The following EGFR variants were observed in gnomAD, a reference collection of about 807,000 sequenced individuals.
EGFR encodes the protein epidermal growth factor receptor.
Under a neutral mutation model 143.0 loss-of-function variants are expected in EGFR, and 58 were observed. The observed-to-expected ratio is 0.41, with a 90% CI of 0.33 to 0.50. The LOEUF is 0.50. Among genes scored for constraint, EGFR ranks in the 20% least tolerant of loss-of-function variants. The pLI is 0.39. For missense variants in EGFR, 1,307 were observed against 1,579.0 expected (o/e 0.83, Z 2.92); for synonymous variants, 613 against 594.4 (o/e 1.03, Z -0.45).
intron 1 of EGFR, among the ~76,000 whole-genome samples, chr7:55,131,955 A>G (rs555366358): frequency 1.9e-4 from 29 of 151,582 alleles, no homozygotes; most frequent in East Asian, 7.7e-4. Context: ...AAAAAAAAAA[A>G]AAGAAGCACA....
At chr7:55,106,114 A>G (rs1792113496) in intron 1 of EGFR, among the ~76,000 whole-genome samples, 1 of 152,220 alleles carries the variant, frequency 6.6e-6, no homozygotes, top group African/African-American at 2.4e-5. Context: ...CAAGGGCTGA[A>G]TGTGGGATGA....
chr7:55,091,741 C>T (rs1057137914), intron 1 of EGFR, among the ~76,000 whole-genome samples: 20 of 151,986 alleles, frequency 1.3e-4, no homozygotes, highest in Non-Finnish European at 2.8e-4. Context: ...TGGCAGGATA[C>T]TTCAGCCTCA....
chr7:55,202,914 G>A (rs1410476832), intron 27 of EGFR: 2 of 639,482 alleles, frequency 3.1e-6, no homozygotes, highest in Non-Finnish European at 5.7e-6. Context: ...GTGTGTGTGA[G>A]TGTTCATGAT....
intron 6 of EGFR, among the ~76,000 whole-genome samples, chr7:55,153,559 G>A (rs986316824): frequency 6.6e-5 from 10 of 152,276 alleles, no homozygotes; most frequent in Non-Finnish European, 5.9e-5. Flanking sequence ...AAAAGCCCTC[G>A]CTGTATTGGG....
At chr7:55,038,172 C>G (rs1787706003) in intron 1 of EGFR, among the ~76,000 whole-genome samples, 1 of 152,192 alleles carries the variant, frequency 6.6e-6, no homozygotes, top group African/African-American at 2.4e-5. Flanking sequence ...ATAGTACAAA[C>G]TGGAGGTGAA....
intron 23 of EGFR, among the ~76,000 whole-genome samples, chr7:55,199,109 G>A (rs909126508): frequency 1.3e-5 from 2 of 152,140 alleles, no homozygotes; most frequent in Admixed American, 6.5e-5. Flanking sequence ...AAAGTCTTCC[G>A]CAAGCCATTA....
At chr7:55,142,168 T>C in intron 1 of EGFR, 118 bp from the exon 2 acceptor site, 1 of 1,258,938 alleles carries the variant, frequency 7.9e-7, no homozygotes. Flanking sequence ...TGGGTGAGTC[T>C]CTGTGTGGAG....
At chr7:55,148,077 T>C (rs1323419285) in intron 4 of EGFR, among the ~76,000 whole-genome samples, 1 of 152,236 alleles carries the variant, frequency 6.6e-6, no homozygotes, top group African/African-American at 2.4e-5. Flanking sequence ...GTTTGAATAA[T>C]GCTGCTGTGA....
chr7:55,176,928 T>A (rs937223771), intron 19 of EGFR, among the ~76,000 whole-genome samples: 58 of 148,004 alleles, frequency 3.9e-4, no homozygotes, highest in Non-Finnish European at 7.7e-4. Context: ...TCTCTAAATA[T>A]ATATATATCT....
chr7:55,120,984 G>A (rs1020170613), intron 1 of EGFR, among the ~76,000 whole-genome samples: 3 of 152,140 alleles, frequency 2.0e-5, no homozygotes, highest in African/African-American at 7.2e-5. Context: ...ACTTTGCTGG[G>A]CTGGTTTACA....
rs1475129718 is a variant in EGFR, at chr7:55,166,840, G to A, written c.1880+1403G>A. On this transcript the variant is annotated intron_variant, in intron 15 of 27. Transcript: ENST00000275493. ...TGGGAGTCACAATGGTGGCAGTGTT[G>A]GTGGTGAGGAGGTGGGAGTCACAAT... Among the ~76,000 whole-genome samples, 3 of 103,778 alleles carry A rather than the reference G, an allele frequency of 2.9e-5. 1 individual carries two copies. The highest frequency in any genetic ancestry group is 9.4e-5 in the African/African-American group (3 of 31,938). 68.1% of individuals were successfully genotyped at this position (103,778 alleles called of 152,430 possible). A position where few individuals can be genotyped will look rare whatever the true frequency, so the allele number is the denominator to read the frequency against.
chr7:55,079,335 G>A (rs77242214), intron 1 of EGFR, among the ~76,000 whole-genome samples: 2,755 of 152,348 alleles, frequency 0.018, 103 homozygotes, highest in African/African-American at 0.063. Context: ...GAAGAGGGGC[G>A]GGTCGGCGTG....
At chr7:55,076,988 T>G (rs1329361863) in intron 1 of EGFR, among the ~76,000 whole-genome samples, 2 of 151,622 alleles carry the variant, frequency 1.3e-5, no homozygotes, top group African/African-American at 4.8e-5. Flanking sequence ...TTCACTACAG[T>G]CATAAGATAC....
chr7:55,097,033 T>C (rs1227252079), intron 1 of EGFR, among the ~76,000 whole-genome samples: 1 of 152,186 alleles, frequency 6.6e-6, no homozygotes, highest in African/African-American at 2.4e-5. Flanking sequence ...TGAATTGAAA[T>C]TGTGGCTTGC....
rs771988878 is a variant in EGFR, at chr7:55,173,059, C to G, written c.1996C>G (p.Leu666Val). The change falls in exon 17 of 28, where the codon CTC becomes GTC. Residue 666 changes from leucine to valine, a missense_variant. This residue lies in a region of EGFR where 348 missense variants were observed against 451.5 expected (regional missense o/e 0.77). Coordinates refer to ENST00000275493, the MANE Select transcript of EGFR (RefSeq NM_005228.5). ...LLLVVALGIG[L>V]FMRRRHIVRK... ...GCTGGTGGTGGCCCTGGGGATCGGC[C>G]TCTTCATGCGAAGGCGCCACATCGT... 3.7e-6 allele frequency: 6 copies of G among 1,613,772 alleles called. No individual in the cohort carries two copies. Among genetic ancestry groups the G allele is most frequent in the Non-Finnish European group, 5.1e-6 (6 of 1,180,036 alleles).
intron 1 of EGFR, among the ~76,000 whole-genome samples, chr7:55,091,879 CA>C (rs1562706155): frequency 0.016 from 2,397 of 151,568 alleles, 70 homozygotes; most frequent in African/African-American, 0.053. Flanking sequence ...CACACACACA[CA>C]CACACACACA....
intron 19 of EGFR, among the ~76,000 whole-genome samples, chr7:55,178,953 G>C (rs1306070596): frequency 6.6e-6 from 1 of 152,200 alleles, no homozygotes; most frequent in Non-Finnish European, 1.5e-5. Context: ...AAGTAGGTAT[G>C]TGCCTAGATC....
chr7:55,053,919 G>A (rs1321104659), intron 1 of EGFR, among the ~76,000 whole-genome samples: 3 of 152,190 alleles, frequency 2.0e-5, no homozygotes, highest in Admixed American at 6.5e-5. Context: ...AGACAAACCC[G>A]ATTGTCAGGA....
At chr7:55,058,176 A>G (rs1193752655) in intron 1 of EGFR, among the ~76,000 whole-genome samples, 2 of 152,220 alleles carry the variant, frequency 1.3e-5, no homozygotes, top group African/African-American at 4.8e-5. Context: ...CGGGTGGATC[A>G]CGAGGTCAGG....
Sources: allele counts gnomAD v4.1 joint callset (sites outside exome capture counted in the v4.1 genomes callset), GRCh38; gene constraint gnomAD v4.1.1; regional missense constraint gnomAD v4.1.1; transcripts MANE v1.5; gene names NCBI Gene and HGNC (gene_info 2026-07-23, HGNC 2026-07-21).